The following SNX8 variants were observed in gnomAD, a reference collection of about 807,000 sequenced individuals.
SNX8 encodes the protein sorting nexin 8, also known as sorting nexin-8.
SNX8 carries 25 observed loss-of-function variants against 51.6 expected under a neutral mutation model. The ratio of observed to expected loss-of-function variants is 0.48; its 90% CI spans 0.35 to 0.68. The LOEUF (loss-of-function observed/expected upper bound fraction) is 0.68. Ranked by LOEUF, SNX8 falls within the 30% of genes least tolerant of loss-of-function variation. The pLI is 0.00. For synonymous variants in SNX8, 324 were observed against 277.0 expected (o/e 1.17, Z -1.68); for missense variants, 695 against 624.0 (o/e 1.11, Z -1.21).
rs1458563835 is a variant in SNX8, at chr7:2,321,920, C to A, written c.-66+32302G>T. Among the ~76,000 whole-genome samples the A allele has an allele frequency of 1.2e-4, 18 of 151,314 alleles. No individual in the cohort carries two copies. In the Admixed American group the frequency reaches 1.2e-3, roughly 10 times the overall value. ...CGTATTTTTAGTAGAGACAAGCTTT[C>A]ACCATATTGGCCAAACTGGTCTCGA... On this transcript the variant is annotated intron_variant, in intron 1 of 5. Transcript: ENST00000435336.
intron 1 of SNX8, among the ~76,000 whole-genome samples, chr7:2,284,438 G>A (rs1216002738): frequency 2.7e-5 from 3 of 109,856 alleles, no homozygotes; most frequent in Non-Finnish European, 5.0e-5. Flanking sequence ...GTCTCACTCT[G>A]TTGCCCAGGC....
intron 1 of SNX8, among the ~76,000 whole-genome samples, chr7:2,352,748 A>G (rs553514777): frequency 6.6e-6 from 1 of 152,094 alleles, no homozygotes; most frequent in Non-Finnish European, 1.5e-5. Flanking sequence ...AGGCAAGAGA[A>G]TGGCGTGAAC....
chr7:2,271,844 A>T lies in SNX8; in HGVS notation c.540+6T>A. On this transcript the variant is annotated splice_donor_region_variant and intron_variant, in intron 4 of 10. Coordinates refer to ENST00000222990, the MANE Select transcript of SNX8 (RefSeq NM_013321.4). Reference sequence around the variant, plus strand: ...GCCGGGACATGGGCAGGGCAGACACACTCACCGAGCCGCTGAAGGACAGGA... The same window carrying T: ...GCCGGGACATGGGCAGGGCAGACACTCTCACCGAGCCGCTGAAGGACAGGA... 1 of 1,598,962 alleles carries T rather than the reference A, an allele frequency of 6.3e-7. No individual in the cohort carries two copies. Among genetic ancestry groups the T allele is most frequent in the Non-Finnish European group, 8.5e-7 (1 of 1,173,220 alleles).
chr7:2,268,545 A>G (rs1795548758), intron 5 of SNX8, among the ~76,000 whole-genome samples: 2 of 131,442 alleles, frequency 1.5e-5, no homozygotes, highest in Admixed American at 7.5e-5. Flanking sequence ...TCCGGGAGGG[A>G]GGTGGGGGGG....
intron 1 of SNX8, among the ~76,000 whole-genome samples, chr7:2,312,668 T>A (rs1335230106): frequency 6.6e-6 from 1 of 151,984 alleles, no homozygotes; most frequent in Non-Finnish European, 1.5e-5. Context: ...GAAGAAACTG[T>A]CTACCAACCC....
chr7:2,277,624 C>A (rs2115134933), intron 2 of SNX8, among the ~76,000 whole-genome samples: 1 of 128,392 alleles, frequency 7.8e-6, no homozygotes, highest in African/African-American at 2.9e-5. Context: ...CATGGTGAAA[C>A]CCTGTCTCTA....
At chr7:2,264,226 G>A (rs1182154162) in intron 6 of SNX8, 72 bp downstream of exon 6, 25 of 1,464,512 alleles carry the variant, frequency 1.7e-5, no homozygotes, top group Middle Eastern at 3.9e-4. Flanking sequence ...CGCACTTTCC[G>A]CCCAAGCCCT....
chr7:2,281,497 G>C (rs73293340), intron 1 of SNX8, among the ~76,000 whole-genome samples: 4 of 151,530 alleles, frequency 2.6e-5, no homozygotes, highest in African/African-American at 9.7e-5. Flanking sequence ...ACTGCAGAAC[G>C]GGCAGAAACA....
At chr7:2,343,874 CCAGGCACAGTGGTG>C (rs201171006) in intron 1 of SNX8, among the ~76,000 whole-genome samples, 3,278 of 151,570 alleles carry the variant, frequency 0.022, 114 homozygotes, top group African/African-American at 0.073. Flanking sequence ...ACAAAATTAG[CCAGGCACAGTGGTG>C]CAGGCACAGT....
intron 2 of SNX8, among the ~76,000 whole-genome samples, chr7:2,275,744 T>C (rs1795762998): frequency 6.6e-6 from 1 of 151,492 alleles, no homozygotes; most frequent in Admixed American, 6.6e-5. Context: ...CACGCCTGCA[T>C]TCCCAGCACT....
rs1584721286 is a variant in SNX8, at chr7:2,302,784, C to G, written c.94+11544G>C. 5.9e-5 allele frequency among the ~76,000 whole-genome samples: 9 copies of G among 151,892 alleles called. No homozygotes were observed. The South Asian group carries it at 1.9e-3, about 32-fold the overall frequency. On this transcript the variant is annotated intron_variant, in intron 1 of 10. Coordinates refer to ENST00000222990, the MANE Select transcript of SNX8 (RefSeq NM_013321.4). Reference sequence around the variant, plus strand: ...GTCTGGGATGTGAGGAGCGCCTCTGCCCGGCCGCGACCTCGTCTGGGAGGT... The same window carrying G: ...GTCTGGGATGTGAGGAGCGCCTCTGGCCGGCCGCGACCTCGTCTGGGAGGT...
chr7:2,294,980 A>G (rs1796238845), intron 1 of SNX8, among the ~76,000 whole-genome samples: 1 of 152,148 alleles, frequency 6.6e-6, no homozygotes, highest in African/African-American at 2.4e-5. Flanking sequence ...ACAGTGAGCT[A>G]TGATTGTGCC....
chr7:2,275,281 C>T (rs771941631), intron 2 of SNX8, 52 bp from the exon 3 acceptor site: 8 of 1,225,348 alleles, frequency 6.5e-6, no homozygotes, highest in Admixed American at 5.1e-5. Context: ...TATGCTGTCG[C>T]GTCACTTCCC....
chr7:2,312,747 CA>C (rs145097471), intron 1 of SNX8, among the ~76,000 whole-genome samples: 2,239 of 151,510 alleles, frequency 0.015, 49 homozygotes, highest in African/African-American at 0.052. Context: ...GGGGATTCCC[CA>C]ATCTTGTCCC....
At chr7:2,333,637 G>A (rs987920508) in intron 1 of SNX8, among the ~76,000 whole-genome samples, 3 of 152,192 alleles carry the variant, frequency 2.0e-5, no homozygotes, top group African/African-American at 7.2e-5. Flanking sequence ...ATAGATCAAT[G>A]GAACAGAACA....
chr7:2,303,556 G>A (rs377073891), intron 1 of SNX8, among the ~76,000 whole-genome samples: 1 of 152,202 alleles, frequency 6.6e-6, no homozygotes, highest in Non-Finnish European at 1.5e-5. Context: ...GATGGTTGCC[G>A]TGTCTGTGTA....
At chr7:2,328,421 G>T (rs1008993411) in intron 1 of SNX8, among the ~76,000 whole-genome samples, 1 of 151,656 alleles carries the variant, frequency 6.6e-6, no homozygotes, top group East Asian at 1.9e-4. Context: ...TCAACTCCTG[G>T]GCTCAAATGA....
At chr7:2,331,505 A>G (rs1724572784) in intron 1 of SNX8, among the ~76,000 whole-genome samples, 1 of 151,972 alleles carries the variant, frequency 6.6e-6, no homozygotes, top group Non-Finnish European at 1.5e-5. Context: ...GGAGATCAAG[A>G]CCATCCTGGC....
At chr7:2,285,211 C>CA (rs58401507) in intron 1 of SNX8, among the ~76,000 whole-genome samples, 28,171 of 70,626 alleles carry the variant, frequency 0.4, 4,964 homozygotes, top group East Asian at 0.56. Context: ...GACTCCGTCT[C>CA]AAAAAAAAAA....
Sources: allele counts gnomAD v4.1 joint callset (sites outside exome capture counted in the v4.1 genomes callset), GRCh38; gene constraint gnomAD v4.1.1; transcripts MANE v1.5; gene names NCBI Gene and HGNC (gene_info 2026-07-23, HGNC 2026-07-21).